KIAA0930: variants seen among roughly 807,000 people sequenced by gnomAD.
The protein encoded by KIAA0930 is uncharacterized protein KIAA0930.
In KIAA0930, 24 loss-of-function variants were observed where a neutral mutation model predicts 43.9. That is an observed-to-expected ratio of 0.55 (90% CI 0.40 to 0.77). The LOEUF is 0.77. Among genes scored for constraint, KIAA0930 ranks in the 30% least tolerant of loss-of-function variants. The probability of loss-of-function intolerance (pLI) is 0.00; values close to 1 mark genes in which losing one functional copy is unlikely to be tolerated. For synonymous variants in KIAA0930, 259 were observed against 216.4 expected (o/e 1.20, Z -1.73); for missense variants, 461 against 574.2 (o/e 0.80, Z 2.02).
intron 8 of KIAA0930, 129 bp from the exon 9 acceptor site, chr22:45,198,077 A>ACACCAG: frequency 1.2e-6 from 1 of 829,712 alleles, no homozygotes; most frequent in Non-Finnish European, 1.9e-6. Context: ...CAACACCCCC[A>ACACCAG]CACCAGCACC....
At chr22:45,209,893 C>T (rs1017036646) in intron 2 of KIAA0930, among the ~76,000 whole-genome samples, 1 of 152,182 alleles carries the variant, frequency 6.6e-6, no homozygotes, top group African/African-American at 2.4e-5. Flanking sequence ...GATGTGACCC[C>T]ATCCCCTCTG....
chr22:45,221,077 G>A (rs1313031900), intron 1 of KIAA0930, among the ~76,000 whole-genome samples: 1 of 152,082 alleles, frequency 6.6e-6, no homozygotes, highest in Non-Finnish European at 1.5e-5. Context: ...CTGCCCCCAG[G>A]CTCTTTACTG....
rs2083541721 is a variant in KIAA0930, at chr22:45,196,948, G to C, written c.*228C>G. 1 of 504,032 alleles carries C rather than the reference G, an allele frequency of 2.0e-6. No homozygotes were observed. The highest frequency in any genetic ancestry group is 3.9e-5 in the Admixed American group (1 of 25,552). The allele number at this position is 504,032 out of a possible 1,614,324, so 31.2% of individuals were successfully genotyped here. ...CTCCAGAGATGGGTGGGGGGCGATG[G>C]GCGGGGGGCACAGGGCGGAGCAGCG... is the stretch of plus-strand genomic sequence containing the variant. On this transcript the variant is annotated 3_prime_UTR_variant, in exon 10 of 10. Coordinates refer to ENST00000336156, the MANE Select transcript of KIAA0930 (RefSeq NM_001009880.2). The surrounding 1 kb of genome is among the most constrained non-coding windows in gnomAD (Gnocchi z 4.1).
rs569321544 is a variant in KIAA0930 at position 45,205,920 on chromosome 22, G to A, written c.217-8C>T. ...CACCTCAGGCTCAGCTGCCTGCGAG[G>A]CCCAGAGCAGAAGTGAGTGCCCAGG... On this transcript the variant is annotated splice_polypyrimidine_tract_variant and splice_region_variant and intron_variant, in intron 2 of 9. Transcript: ENST00000336156. The A allele has an allele frequency of 2.5e-6, 4 of 1,612,160 alleles. No individual in the cohort carries two copies. The East Asian group carries it at 6.7e-5, about 27-fold the overall frequency.
At chr22:45,239,445 C>T (rs938473684) in intron 1 of KIAA0930, among the ~76,000 whole-genome samples, 1 of 152,148 alleles carries the variant, frequency 6.6e-6, no homozygotes, top group African/African-American at 2.4e-5. Context: ...GCACCCCCCA[C>T]CCCACCCCTG....
chr22:45,229,121 A>ATG (rs1480035572), intron 1 of KIAA0930, among the ~76,000 whole-genome samples: 1 of 10,980 alleles, frequency 9.1e-5, no homozygotes, highest in Non-Finnish European at 2.0e-4. Flanking sequence ...ATCCCTCTCC[A>ATG]CCCCCCAACC....
chr22:45,206,127 C>G (rs2083636011), intron 2 of KIAA0930, among the ~76,000 whole-genome samples: 1 of 152,200 alleles, frequency 6.6e-6, no homozygotes, highest in African/African-American at 2.4e-5. Context: ...ATGATCCTCT[C>G]ACTTCAGCCT....
intron 7 of KIAA0930, among the ~76,000 whole-genome samples, chr22:45,201,614 A>G (rs2147736787): frequency 6.6e-6 from 1 of 152,364 alleles, no homozygotes; most frequent in East Asian, 1.9e-4. Flanking sequence ...TATCTCGGAA[A>G]CAAACTCAGA....
At chr22:45,201,900 C>T (rs944163961) in intron 7 of KIAA0930, among the ~76,000 whole-genome samples, 4 of 152,250 alleles carry the variant, frequency 2.6e-5, no homozygotes, top group South Asian at 2.1e-4. Flanking sequence ...TACATTCCCA[C>T]GCCTCTGCTT....
intron 6 of KIAA0930, 65 bp downstream of exon 6, chr22:45,203,780 C>T (rs902090811): frequency 1.5e-4 from 235 of 1,560,750 alleles, no homozygotes; most frequent in Non-Finnish European, 2.0e-4. Flanking sequence ...GTATGGACCA[C>T]GGTGGGCTGT....
intron 1 of KIAA0930, among the ~76,000 whole-genome samples, chr22:45,222,405 G>A (rs1191295203): frequency 1.3e-5 from 2 of 152,146 alleles, no homozygotes; most frequent in East Asian, 3.9e-4. Flanking sequence ...ACCTCAACAG[G>A]CTCAAGTGAT....
chr22:45,229,481 G>C (rs2083838213), intron 1 of KIAA0930, among the ~76,000 whole-genome samples: 1 of 152,020 alleles, frequency 6.6e-6, no homozygotes, highest in Non-Finnish European at 1.5e-5. Context: ...AGCTCAGGTG[G>C]GAGAGGGACA....
intron 1 of KIAA0930, among the ~76,000 whole-genome samples, chr22:45,218,978 G>A (rs1417931271): frequency 5.3e-5 from 8 of 152,144 alleles, no homozygotes; most frequent in Admixed American, 6.5e-5. Context: ...CTTTCCAGCC[G>A]AGTGCCAATT....
At chr22:45,211,835 A>G in intron 2 of KIAA0930, 121 bp downstream of exon 2, 1 of 1,009,122 alleles carries the variant, frequency 9.9e-7, no homozygotes, top group Non-Finnish European at 1.5e-6. Flanking sequence ...TGCTCAATAA[A>G]TATCACTCAC....
chr22:45,199,768 T>C, intron 8 of KIAA0930, 105 bp downstream of exon 8: 1 of 1,203,770 alleles, frequency 8.3e-7, no homozygotes, highest in South Asian at 1.7e-5. Flanking sequence ...CTCTAAGTGC[T>C]GCTGAATGAA....
At chr22:45,205,025 G>A (rs2280979) in intron 5 of KIAA0930, among the ~76,000 whole-genome samples, 192 bp downstream of exon 5, 13,455 of 152,164 alleles carry the variant, frequency 0.088, 666 homozygotes, top group East Asian at 0.19. Context: ...GGAAACGGAG[G>A]CTGCGCCGGG....
At chr22:45,235,386 C>CT (rs1290592709) in intron 1 of KIAA0930, 1 of 152,242 alleles carries the variant, frequency 6.6e-6, no homozygotes. Context: ...AGAGGGCCTC[C>CT]TGGGCTGCTC....
chr22:45,230,485 A>G (rs764174180), intron 1 of KIAA0930, among the ~76,000 whole-genome samples: 1 of 152,028 alleles, frequency 6.6e-6, no homozygotes, highest in Non-Finnish European at 1.5e-5. Context: ...GGAAAAGAGC[A>G]TCCTCATCTC....
At position 45,209,335 on chromosome 22, in the gene KIAA0930, G is replaced by A. The variant is rs1427232519; in HGVS notation, c.216+2621C>T. On this transcript the variant is annotated intron_variant, in intron 2 of 9. Transcript: ENST00000336156. ...GGCTTTTGCCAGGGGGGGTCTCCCC[G>A]TCTCCCCATCAGCGCCTCCAGCCTG... Among the ~76,000 whole-genome samples, 18 of 152,112 alleles carry A rather than the reference G, an allele frequency of 1.2e-4. No individual in the cohort carries two copies. The South Asian group carries it at 2.1e-3, about 18-fold the overall frequency.
Sources: allele counts gnomAD v4.1 joint callset (sites outside exome capture counted in the v4.1 genomes callset), GRCh38; gene constraint gnomAD v4.1.1; non-coding constraint Gnocchi (gnomAD v3.1); transcripts MANE v1.5; gene names NCBI Gene and HGNC (gene_info 2026-07-23, HGNC 2026-07-21).